The following PRRC2B variants were observed in gnomAD, a reference collection of about 807,000 sequenced individuals.
PRRC2B encodes protein PRRC2B.
In PRRC2B, 68 loss-of-function variants were observed where a neutral mutation model predicts 242.3. That is an observed-to-expected ratio of 0.28 (90% CI 0.23 to 0.34). PRRC2B has a LOEUF of 0.34. Among genes scored for constraint, PRRC2B ranks in the 10% least tolerant of loss-of-function variants. PRRC2B has a pLI of 1.00. For synonymous variants in PRRC2B, 1,228 were observed against 1,173.6 expected (o/e 1.05, Z -0.95); for missense variants, 2,835 against 2,954.8 (o/e 0.96, Z 0.94).
chr9:131,426,357 A>G (rs924650686), intron 1 of PRRC2B, among the ~76,000 whole-genome samples: 73 of 145,264 alleles, frequency 5.0e-4, no homozygotes, highest in East Asian at 1.6e-3. Flanking sequence ...AAAAAAAAAA[A>G]AAAGAAAAAG....
rs779705472 is a variant in PRRC2B at position 131,487,883 on chromosome 9, G to T, written c.6012G>T (p.Leu2004=). 3 of 1,612,338 alleles carry T rather than the reference G, an allele frequency of 1.9e-6. No individual in the cohort carries two copies. The highest frequency in any genetic ancestry group is 2.2e-5 in the East Asian group (1 of 44,800). ...CTCAGGTGTACATGCACCCCAGCCTGTCACCGCCCAGCACCATGATCCTCT... is the reference window on the plus strand; with the variant it reads ...CTCAGGTGTACATGCACCCCAGCCTTTCACCGCCCAGCACCATGATCCTCT... ...FRSQVYMHPS[L]SPPSTMILSG... Residue 2004 remains leucine, a synonymous_variant, in exon 28 of 32, where the codon CTG becomes CTT. Transcript: ENST00000683519. This position sits in a 1 kb window ranked among gnomAD's most constrained non-coding sequence, Gnocchi z 5.3.
chr9:131,491,900 G>T (rs954179600), intron 29 of PRRC2B, among the ~76,000 whole-genome samples: 17 of 152,202 alleles, frequency 1.1e-4, no homozygotes, highest in Non-Finnish European at 5.9e-5. Flanking sequence ...CTAAGAAGAA[G>T]CCCTCTTGAG....
At position 131,475,823 on chromosome 9, in the gene PRRC2B, C is replaced by G. The variant is rs1292733668; in HGVS notation, c.3694C>G (p.Pro1232Ala). ...GTCACCCCACTGGCAGAGCAAAAGTCCAGGCAGCTCTTGGCAGGAATATGG... is the reference window on the plus strand; with the variant it reads ...GTCACCCCACTGGCAGAGCAAAAGTGCAGGCAGCTCTTGGCAGGAATATGG... ...KESPHWQSKS[P>A]GSSWQEYGPS... Residue 1232 changes from proline to alanine, a missense_variant, in exon 16 of 32, where the codon CCA becomes GCA. Pro to Ala is a conservative substitution (Grantham distance 27, BLOSUM62 -1). Around this residue, in one of 7 missense-constraint regions of PRRC2B, gnomAD observed 1,536 missense variants for 1,483.1 expected, o/e 1.04. Transcript: ENST00000683519. The G allele has an allele frequency of 1.9e-6, 3 of 1,612,676 alleles. No individual in the cohort carries two copies. The highest frequency in any genetic ancestry group is 2.5e-6 in the Non-Finnish European group (3 of 1,178,938).
At position 131,475,725 on chromosome 9, in the gene PRRC2B, G is replaced by A. The variant is rs1042601317; in HGVS notation, c.3596G>A (p.Arg1199Gln). 7 of 1,613,178 alleles carry A rather than the reference G, an allele frequency of 4.3e-6. No individual in the cohort carries two copies. Among genetic ancestry groups the A allele is most frequent in the Admixed American group, 3.3e-5 (2 of 59,948 alleles). The change falls in exon 16 of 32, where the codon CGG becomes CAG. Residue 1199 changes from arginine to glutamine, a missense_variant. Physicochemically the swap from Arg to Gln is conservative, Grantham distance 43. Transcript: ENST00000683519. ...CTAGATGCCAAGAGCCGAGGCCCTCGGGCCTTTGGGCGAGCCCTCCCTCCC... is the reference window on the plus strand; with the variant it reads ...CTAGATGCCAAGAGCCGAGGCCCTCAGGCCTTTGGGCGAGCCCTCCCTCCC... ...SGLDAKSRGP[R>Q]AFGRALPPRL...
intron 8 of PRRC2B, 130 bp from the exon 9 acceptor site, chr9:131,447,532 T>G: frequency 3.0e-6 from 3 of 1,016,392 alleles, no homozygotes; most frequent in Non-Finnish European, 4.1e-6. Flanking sequence ...TATATTTCTT[T>G]TAAAGGAACT....
chr9:131,423,231 C>T (rs752614456), intron 1 of PRRC2B, among the ~76,000 whole-genome samples: 6 of 152,166 alleles, frequency 3.9e-5, no homozygotes, highest in Admixed American at 6.6e-5. Context: ...CGGGTCTAGT[C>T]CCACAGACCT....
At chr9:131,483,040 A>G (rs948958055) in intron 22 of PRRC2B, 133 bp downstream of exon 22, 1 of 1,091,148 alleles carries the variant, frequency 9.2e-7, no homozygotes, top group South Asian at 1.5e-5. Context: ...TCCAGCGGCT[A>G]GAGTGTTGGT....
At chr9:131,445,150 T>G (rs2131385984) in intron 6 of PRRC2B, among the ~76,000 whole-genome samples, 1 of 151,994 alleles carries the variant, frequency 6.6e-6, no homozygotes, top group East Asian at 1.9e-4. Context: ...CACACAGGAC[T>G]GGTTTATTTT....
intron 11 of PRRC2B, among the ~76,000 whole-genome samples, chr9:131,462,882 A>AACATT (rs1460476774): frequency 2.8e-5 from 4 of 143,256 alleles, no homozygotes; most frequent in Non-Finnish European, 6.1e-5. Flanking sequence ...TACTTTGCAG[A>AACATT]ACATTTAGTC....
chr9:131,497,768 CTT>C lies in PRRC2B; in HGVS notation c.*1896_*1897del, dbSNP rs944241178. 1.8e-4 allele frequency: 27 copies of C among 152,450 alleles called. No individual in the cohort carries two copies. Among genetic ancestry groups the C allele is most frequent in the African/African-American group, 6.3e-4 (26 of 41,564 alleles). 9.4% of individuals were successfully genotyped at this position (152,450 alleles called of 1,614,324 possible). A position where few individuals can be genotyped will look rare whatever the true frequency, so the allele number is the denominator to read the frequency against. Reference sequence around the variant, plus strand: ...CCTGCCCTCACCTGGTCTTTTCCCTCTTTATCCCAAGCCTTTATGCTTGAGTC... The same window carrying C: ...CCTGCCCTCACCTGGTCTTTTCCCTCTATCCCAAGCCTTTATGCTTGAGTC... On this transcript the variant is annotated 3_prime_UTR_variant, in exon 32 of 32. Transcript: ENST00000683519.
intron 12 of PRRC2B, among the ~76,000 whole-genome samples, chr9:131,466,612 T>C (rs984511931): frequency 7.4e-6 from 1 of 135,082 alleles, no homozygotes; most frequent in Non-Finnish European, 1.6e-5. Flanking sequence ...TCATGGCTGT[T>C]CTCTATCAGT....
rs912262394 is a variant in PRRC2B at position 131,499,033 on chromosome 9, C to T, written c.*3159C>T. 6.6e-6 allele frequency: 1 copy of T among 152,184 alleles called. No individual in the cohort carries two copies. The highest frequency in any genetic ancestry group is 6.5e-5 in the Admixed American group (1 of 15,276). The allele number at this position is 152,184 out of a possible 1,614,324, so 9.4% of individuals were successfully genotyped here. A position where few individuals can be genotyped will look rare whatever the true frequency, so the allele number is the denominator to read the frequency against. On this transcript the variant is annotated 3_prime_UTR_variant, in exon 32 of 32. Coordinates refer to ENST00000683519, the MANE Select transcript of PRRC2B (RefSeq NM_013318.4). ...AACTTGGAATTCATAGACACTCTGG[C>T]TCTAGGTTCCTTAAGGGGGAAAACA...
At position 131,451,028 on chromosome 9, in the gene PRRC2B, G is replaced by T. The variant is rs78809109; in HGVS notation, c.1120+3224G>T. On this transcript the variant is annotated intron_variant, in intron 9 of 31. Transcript: ENST00000683519. ...TAAATTTATTCTCAGGCATTTTACG[G>T]TTTTTTGATGCTATTAGAAATGACA... Among the ~76,000 whole-genome samples, 1,432 of 152,262 alleles carry T rather than the reference G, an allele frequency of 9.4e-3. 29 individuals carry two copies. Among genetic ancestry groups the T allele is most frequent in the African/African-American group, 0.033 (1,354 of 41,552 alleles).
Position 131,494,415 on chromosome 9 carries a change from G to T in PRRC2B, c.6484G>T (p.Ala2162Ser), listed in dbSNP as rs754395110. ...PSPQTYRPSS[A>S]SPSGKPSGSA... is the part of the protein sequence containing the mutation. The stretch of plus-strand genomic sequence containing the variant: ...CTTTGGTTTTTTCAGGCCTAGCTCT[G>T]CTAGCCCCAGTGGGAAGCCCTCTGG... Residue 2162 changes from alanine to serine, a missense_variant, in exon 31 of 32, where the codon GCT becomes TCT. Physicochemically the swap from Ala to Ser is moderately conservative, Grantham distance 99. Transcript: ENST00000683519. The surrounding 1 kb of genome is among the most constrained non-coding windows in gnomAD (Gnocchi z 4.3). 43 of 1,596,120 alleles carry T rather than the reference G, an allele frequency of 2.7e-5. No homozygotes were observed. Among genetic ancestry groups the T allele is most frequent in the Non-Finnish European group, 3.5e-5 (41 of 1,169,076 alleles).
chr9:131,413,841 T>C (rs1270590364), intron 1 of PRRC2B, among the ~76,000 whole-genome samples: 1 of 151,994 alleles, frequency 6.6e-6, no homozygotes, highest in Non-Finnish European at 1.5e-5. Context: ...CCAGCTAATT[T>C]TTGTATTTTT....
intron 1 of PRRC2B, among the ~76,000 whole-genome samples, chr9:131,428,225 G>A (rs1838026346): frequency 6.6e-6 from 1 of 150,572 alleles, no homozygotes; most frequent in Non-Finnish European, 1.5e-5. Flanking sequence ...CGGCCTACAA[G>A]TTTTGTTTTT....
chr9:131,489,252 T>G (rs1026204231), intron 28 of PRRC2B, among the ~76,000 whole-genome samples: 1 of 150,302 alleles, frequency 6.7e-6, no homozygotes, highest in African/African-American at 2.5e-5. Context: ...TGGCGCAATC[T>G]CGGCTCACTG....
intron 19 of PRRC2B, 67 bp from the exon 20 acceptor site, chr9:131,481,659 A>T: frequency 1.6e-6 from 2 of 1,275,798 alleles, no homozygotes; most frequent in Non-Finnish European, 2.2e-6. Flanking sequence ...CTTGTTCTTT[A>T]AGAGCTCATA....
chr9:131,498,589 G>C lies in PRRC2B; in HGVS notation c.*2715G>C, dbSNP rs1175678394. 3 of 152,240 alleles carry C rather than the reference G, an allele frequency of 2.0e-5. No homozygotes were observed. Among genetic ancestry groups the C allele is most frequent in the Non-Finnish European group, 4.4e-5 (3 of 68,048 alleles). The allele number at this position is 152,240 out of a possible 1,614,324, so 9.4% of individuals were successfully genotyped here. A position where few individuals can be genotyped will look rare whatever the true frequency, so the allele number is the denominator to read the frequency against. ...CCAAGCTCAAGGTAGTAGGACGTAGGGTCTTATTTTGTTTTCAAACCCCCA... is the reference window on the plus strand; with the variant it reads ...CCAAGCTCAAGGTAGTAGGACGTAGCGTCTTATTTTGTTTTCAAACCCCCA... On this transcript the variant is annotated 3_prime_UTR_variant, in exon 32 of 32. Transcript: ENST00000683519.
Sources: allele counts gnomAD v4.1 joint callset (sites outside exome capture counted in the v4.1 genomes callset), GRCh38; gene constraint gnomAD v4.1.1; regional missense constraint gnomAD v4.1.1; non-coding constraint Gnocchi (gnomAD v3.1); transcripts MANE v1.5; gene names NCBI Gene and HGNC (gene_info 2026-07-23, HGNC 2026-07-21).